PDE1C: variants seen among roughly 807,000 people sequenced by gnomAD.
The protein encoded by PDE1C is phosphodiesterase 1C, also known as dual specificity calcium/calmodulin-dependent 3',5'-cyclic nucleotide phosphodiesterase 1C.
In PDE1C, 62 loss-of-function variants were observed where a neutral mutation model predicts 93.1. The ratio of observed to expected loss-of-function variants is 0.67; its 90% CI spans 0.54 to 0.82. PDE1C has a LOEUF of 0.82. PDE1C is among the 40% of genes least tolerant of loss of function. The pLI, the probability that PDE1C is intolerant of heterozygous loss-of-function variation, is 0.00. For missense variants in PDE1C, 742 were observed against 884.6 expected (o/e 0.84, Z 2.04); for synonymous variants, 325 against 310.1 (o/e 1.05, Z -0.50).
At chr7:32,136,052 T>C (rs555657010) in intron 3 of PDE1C, among the ~76,000 whole-genome samples, 1 of 152,322 alleles carries the variant, frequency 6.6e-6, no homozygotes, top group South Asian at 2.1e-4. Context: ...TTCACTTAAG[T>C]GGTATCTAAA....
chr7:32,193,359 T>C (rs1374723444), intron 2 of PDE1C, among the ~76,000 whole-genome samples: 1 of 152,204 alleles, frequency 6.6e-6, no homozygotes, highest in East Asian at 1.9e-4. Flanking sequence ...CTATCATGAA[T>C]GAATATTGAA....
At chr7:32,122,304 A>G (rs1260652529) in intron 3 of PDE1C, among the ~76,000 whole-genome samples, 1 of 152,190 alleles carries the variant, frequency 6.6e-6, no homozygotes, top group Non-Finnish European at 1.5e-5. Flanking sequence ...TCAATATTAG[A>G]TCAATAAGAC....
intron 3 of PDE1C, among the ~76,000 whole-genome samples, chr7:32,107,646 A>G (rs2128753376): frequency 6.6e-6 from 1 of 152,328 alleles, no homozygotes; most frequent in South Asian, 2.1e-4. Context: ...CCTTGCCAGA[A>G]ATGTTAAAAT....
At chr7:31,842,222 G>A (rs769201341) in intron 9 of PDE1C, among the ~76,000 whole-genome samples, 49 of 152,008 alleles carry the variant, frequency 3.2e-4, no homozygotes, top group Admixed American at 1.8e-3. Flanking sequence ...ACTGAGAATT[G>A]TTATAGCTAT....
At chr7:32,357,566 G>T (rs1453764110) in intron 1 of PDE1C, among the ~76,000 whole-genome samples, 1 of 152,102 alleles carries the variant, frequency 6.6e-6, no homozygotes, top group African/African-American at 2.4e-5. Context: ...TTAGAAAGTG[G>T]GTATTCAAAT....
At chr7:31,760,201 G>A (rs1410392814) in intron 17 of PDE1C, among the ~76,000 whole-genome samples, 1 of 152,158 alleles carries the variant, frequency 6.6e-6, no homozygotes, top group Non-Finnish European at 1.5e-5. Flanking sequence ...AAGAATCCCT[G>A]AGAACAGCCA....
At chr7:31,717,317 C>T in the PDE1C span, among the ~76,000 whole-genome samples, 111 of 152,260 alleles carry the variant, frequency 7.3e-4, 2 homozygotes, top group Non-Finnish European at 1.3e-3. Flanking sequence ...CACAGAACAA[C>T]GGTAATTTTT....
At chr7:31,721,138 A>G in the PDE1C span, among the ~76,000 whole-genome samples, 2 of 152,188 alleles carry the variant, frequency 1.3e-5, no homozygotes, top group Non-Finnish European at 2.9e-5. Flanking sequence ...GGTCCATTGT[A>G]TCTGAAGCTC....
In PDE1C at chr7:31,850,865, T is replaced by C; in HGVS notation, c.751-124A>G. The C allele has an allele frequency of 4.3e-6, 3 of 694,738 alleles. No individual in the cohort carries two copies. The South Asian group carries it at 4.7e-5, about 11-fold the overall frequency. The allele number at this position is 694,738 out of a possible 1,614,324, so 43.0% of individuals were successfully genotyped here. ...CTGGTAAGCTATTGCCAAACACAAG[T>C]TTTCTGAGAGACAGAAATAAGTTAT... is the stretch of plus-strand genomic sequence containing the variant. On this transcript the variant is annotated intron_variant, in intron 7 of 17. Coordinates refer to ENST00000396191, the MANE Select transcript of PDE1C (RefSeq NM_001191057.4).
At chr7:32,028,870 C>A (rs1789856908) in intron 2 of PDE1C, among the ~76,000 whole-genome samples, 1 of 152,090 alleles carries the variant, frequency 6.6e-6, no homozygotes. Flanking sequence ...GCCTCTGTAG[C>A]CACCATTCTA....
intron 16 of PDE1C, chr7:31,784,717 C>G (rs907079778): frequency 6.6e-6 from 1 of 151,968 alleles, no homozygotes; most frequent in Admixed American, 6.6e-5. Flanking sequence ...TGATAAAAAC[C>G]TAACCAAGCT....
chr7:31,879,333 C>T, intron 3 of PDE1C, 155 bp from the exon 4 acceptor site: 2 of 646,612 alleles, frequency 3.1e-6, no homozygotes, highest in Admixed American at 5.9e-5. Context: ...TTTGGTAAGG[C>T]TTATGTAAGC....
chr7:31,997,000 A>G (rs1183574835), intron 2 of PDE1C, among the ~76,000 whole-genome samples: 1 of 152,230 alleles, frequency 6.6e-6, no homozygotes, highest in Non-Finnish European at 1.5e-5. Flanking sequence ...AAGGAACATT[A>G]TCAGTGCACA....
chr7:31,746,596 T>A (rs1035347842), downstream of PDE1C, among the ~76,000 whole-genome samples: 5 of 152,158 alleles, frequency 3.3e-5, no homozygotes, highest in Non-Finnish European at 5.9e-5. Context: ...TGGATTCCAT[T>A]GCTGACTTTC....
At chr7:32,269,156 A>G (rs1810796131) in intron 1 of PDE1C, among the ~76,000 whole-genome samples, 1 of 152,220 alleles carries the variant, frequency 6.6e-6, no homozygotes. Flanking sequence ...AGCAACCTCA[A>G]TGTTGCTCAA....
At chr7:32,080,873 T>G (rs1400992474) in intron 3 of PDE1C, among the ~76,000 whole-genome samples, 1 of 152,218 alleles carries the variant, frequency 6.6e-6, no homozygotes, top group Non-Finnish European at 1.5e-5. Context: ...GAAGGCACTG[T>G]GACTCGGCCC....
At chr7:32,266,427 GGAGGCA>G (rs1810578155) in intron 1 of PDE1C, among the ~76,000 whole-genome samples, 1 of 151,598 alleles carries the variant, frequency 6.6e-6, no homozygotes, top group Non-Finnish European at 1.5e-5. Context: ...CTTGAACACG[GGAGGCA>G]GAGGTTGTGG....
intron 3 of PDE1C, among the ~76,000 whole-genome samples, chr7:32,168,240 T>C (rs530206896): frequency 9.0e-4 from 137 of 152,324 alleles, no homozygotes; most frequent in African/African-American, 3.2e-3. Context: ...ATTTATAACT[T>C]AATCTCTTTC....
At chr7:31,719,308 C>G in the PDE1C span, among the ~76,000 whole-genome samples, 1 of 152,220 alleles carries the variant, frequency 6.6e-6, no homozygotes, top group Non-Finnish European at 1.5e-5. Context: ...GCTTCATTAA[C>G]TTCCAGGAAA....
Sources: allele counts gnomAD v4.1 joint callset (sites outside exome capture counted in the v4.1 genomes callset), GRCh38; gene constraint gnomAD v4.1.1; transcripts MANE v1.5; gene names NCBI Gene and HGNC (gene_info 2026-07-23, HGNC 2026-07-21).